The following NF1 variants were observed in gnomAD, a reference collection of about 807,000 sequenced individuals.
NF1 encodes neurofibromin.
A neutral mutation model predicts 325.7 loss-of-function variants in NF1; 122 were observed. That is an observed-to-expected ratio of 0.37 (90% CI 0.32 to 0.44). The LOEUF is 0.44. Among genes scored for constraint, NF1 ranks in the 20% least tolerant of loss-of-function variants. The pLI, the probability that NF1 is intolerant of heterozygous loss-of-function variation, is 1.00. For synonymous variants in NF1, 1,091 were observed against 1,186.0 expected (o/e 0.92, Z 1.65); for missense variants, 2,140 against 3,415.4 (o/e 0.63, Z 9.31).
chr17:31,239,282 G>T (rs760925891), intron 29 of NF1, among the ~76,000 whole-genome samples: 2 of 152,218 alleles, frequency 1.3e-5, no homozygotes, highest in Non-Finnish European at 2.9e-5. Context: ...CTGTAACAGG[G>T]AGAATTCCTT....
chr17:31,257,752 C>A (rs1301801047), intron 31 of NF1: 2 of 151,870 alleles, frequency 1.3e-5, no homozygotes, highest in African/African-American at 4.8e-5. Flanking sequence ...ATAAAGGAAG[C>A]TGTGAAGAAA....
At chr17:31,276,941 A>AT (rs1783754390) in intron 36 of NF1, among the ~76,000 whole-genome samples, 1 of 34,240 alleles carries the variant, frequency 2.9e-5, no homozygotes, top group South Asian at 1.4e-3. Flanking sequence ...AACTACTAAT[A>AT]AGACTGTTGA....
chr17:31,259,027 T>G lies in NF1; in HGVS notation c.4333-5T>G, dbSNP rs1455774859. The G allele has an allele frequency of 2.6e-6, 4 of 1,559,010 alleles. No homozygotes were observed. The East Asian group carries it at 6.8e-5, about 26-fold the overall frequency. Reference sequence around the variant, plus strand: ...GATTATTTATAACCCTGTTTTATTGTGTAGATACTTCAGAGTATTGCCAAT... The same window carrying G: ...GATTATTTATAACCCTGTTTTATTGGGTAGATACTTCAGAGTATTGCCAAT... On this transcript the variant is annotated splice_polypyrimidine_tract_variant and splice_region_variant and intron_variant, in intron 32 of 57. Transcript: ENST00000358273.
intron 1 of NF1, among the ~76,000 whole-genome samples, chr17:31,111,288 T>G (rs1913394563): frequency 1.3e-5 from 2 of 151,458 alleles, no homozygotes; most frequent in South Asian, 4.2e-4. Context: ...AAGTCTAATG[T>G]GTAATTGGAG....
At chr17:31,211,404 C>G (rs903687050) in intron 12 of NF1, among the ~76,000 whole-genome samples, 1 of 152,108 alleles carries the variant, frequency 6.6e-6, no homozygotes, top group Non-Finnish European at 1.5e-5. Context: ...ATTAGGCAAC[C>G]ATGTTGGAAC....
intron 29 of NF1, among the ~76,000 whole-genome samples, chr17:31,244,594 G>A (rs1323998688): frequency 6.6e-6 from 1 of 152,136 alleles, no homozygotes; most frequent in African/African-American, 2.4e-5. Context: ...TGACAGGGCA[G>A]CATTTAGTCC....
intron 39 of NF1, among the ~76,000 whole-genome samples, chr17:31,333,793 T>TA (rs112839602): frequency 7.9e-5 from 12 of 152,314 alleles, no homozygotes; most frequent in African/African-American, 2.6e-4. Context: ...TCAAAATGGG[T>TA]AAAGCCACGG....
chr17:31,361,711 T>C (rs1050661489), intron 57 of NF1: 1 of 152,236 alleles, frequency 6.6e-6, no homozygotes, highest in African/African-American at 2.4e-5. Context: ...TTCTGTGATA[T>C]TCAAGATCAA....
At chr17:31,165,873 G>A (rs549326583) in intron 4 of NF1, among the ~76,000 whole-genome samples, 2 of 151,944 alleles carry the variant, frequency 1.3e-5, no homozygotes, top group East Asian at 1.9e-4. Context: ...TAATTTTTTT[G>A]TAGAGACGGG....
chr17:31,130,579 AG>A (rs1378861927), intron 1 of NF1, among the ~76,000 whole-genome samples: 1 of 42,300 alleles, frequency 2.4e-5, no homozygotes, highest in African/African-American at 9.4e-5. Context: ...GTGGCCGGTA[AG>A]GGGTGGGGGT....
chr17:31,336,956 T>C lies in NF1; in HGVS notation c.6427+42T>C. The C allele has an allele frequency of 6.3e-7, 1 of 1,582,282 alleles. No individual in the cohort carries two copies. The highest frequency in any genetic ancestry group is 8.6e-7 in the Non-Finnish European group (1 of 1,162,568). ...GAATTTGTGTTTACCAGTTCCTTTC[T>C]CCATTTTACTTCACCTGATCAATAT... On this transcript the variant is annotated intron_variant, in intron 42 of 57. Coordinates refer to ENST00000358273, the MANE Select transcript of NF1 (RefSeq NM_001042492.3). The surrounding 1 kb of genome is among the most constrained non-coding windows in gnomAD (Gnocchi z 5.5).
In NF1 at chr17:31,156,000, A is replaced by T. The variant is rs748018099; in HGVS notation, c.78A>T (p.Gly26=). Residue 26 remains glycine, a synonymous_variant, in exon 2 of 58, where the codon GGA becomes GGT. Transcript: ENST00000358273. ...TTTTTCAGCTTCCAATAAAAACAGG[A>T]CAGCAGAACACACATACCAAAGTCA... ...RFDEQLPIKT[G]QQNTHTKVST... 3 of 1,613,246 alleles carry T rather than the reference A, an allele frequency of 1.9e-6. No homozygotes were observed. Among genetic ancestry groups the T allele is most frequent in the Non-Finnish European group, 2.5e-6 (3 of 1,179,712 alleles).
At chr17:31,314,047 A>G in intron 36 of NF1, 1 of 398,170 alleles carries the variant, frequency 2.5e-6, no homozygotes, top group Non-Finnish European at 4.4e-6. Context: ...TGATTTGGCT[A>G]AGAAAGGAAA....
chr17:31,282,744 G>A (rs1420360355), intron 36 of NF1, among the ~76,000 whole-genome samples: 1 of 152,136 alleles, frequency 6.6e-6, no homozygotes, highest in African/African-American at 2.4e-5. Flanking sequence ...ATAAGCGTTT[G>A]TGTGGACGTA....
intron 36 of NF1, among the ~76,000 whole-genome samples, chr17:31,312,303 A>C (rs1256290490): frequency 1.3e-5 from 2 of 152,042 alleles, no homozygotes; most frequent in Non-Finnish European, 2.9e-5. Context: ...TGAGGTCAGG[A>C]GTTGAAGACC....
chr17:31,268,399 C>T (rs757555800), intron 36 of NF1, among the ~76,000 whole-genome samples: 6 of 151,816 alleles, frequency 4.0e-5, no homozygotes, highest in Admixed American at 1.3e-4. Context: ...GAGGCTGAGG[C>T]GGGCAGATCA....
intron 57 of NF1, chr17:31,361,376 C>T (rs1404312061): frequency 6.6e-6 from 1 of 152,562 alleles, no homozygotes; most frequent in Non-Finnish European, 1.5e-5. Context: ...GGCAAACCTA[C>T]AGAACTCTGG....
chr17:31,331,741 G>A (rs1238838542), intron 39 of NF1: 1 of 151,072 alleles, frequency 6.6e-6, no homozygotes, highest in African/African-American at 2.4e-5. Flanking sequence ...AGTTGAGTAG[G>A]GCTGTGTGTG....
intron 1 of NF1, chr17:31,136,742 G>A (rs1434620234): frequency 2.0e-5 from 3 of 152,010 alleles, no homozygotes; most frequent in African/African-American, 7.2e-5. Context: ...TGTTATAATT[G>A]TTCTTTTTTT....
Sources: gnomAD v4.1 joint callset for allele counts (sites outside exome capture counted in the v4.1 genomes callset) on GRCh38, gnomAD v4.1.1 for gene constraint, Gnocchi (gnomAD v3.1) non-coding constraint, MANE v1.5 for transcripts, NCBI Gene and HGNC (gene_info 2026-07-23, HGNC 2026-07-21) for gene names.